Variants in PCDHGC3 observed in about 807,000 individuals in gnomAD.
PCDHGC3 encodes the protein protocadherin gamma-C3.
PCDHGC3 carries 26 observed loss-of-function variants against 59.2 expected under a neutral mutation model. The observed-to-expected ratio is 0.44, with a 90% CI of 0.32 to 0.61. PCDHGC3 has a LOEUF of 0.61. Ranked by LOEUF, PCDHGC3 falls within the 20% of genes least tolerant of loss-of-function variation. The pLI is 0.05. For missense variants in PCDHGC3, 1,080 were observed against 1,221.8 expected (o/e 0.88, Z 1.73); for synonymous variants, 487 against 519.7 (o/e 0.94, Z 0.86).
chr5:141,497,412 A>G (rs963440048), intron 2 of PCDHGC3, among the ~76,000 whole-genome samples: 13 of 151,982 alleles, frequency 8.6e-5, no homozygotes, highest in African/African-American at 3.1e-4. Flanking sequence ...CTCCCATTCC[A>G]TCAAATGAGA....
In PCDHGC3 at chr5:141,511,358, G is replaced by GT; in HGVS notation, c.*187dup. 1 of 1,355,398 alleles carries GT rather than the reference G, an allele frequency of 7.4e-7. No homozygotes were observed. Among genetic ancestry groups the GT allele is most frequent in the South Asian group, 1.5e-5 (1 of 66,198 alleles). 84.0% of individuals were successfully genotyped at this position (1,355,398 alleles called of 1,614,324 possible). On this transcript the variant is annotated 3_prime_UTR_variant, in exon 4 of 4. Transcript: ENST00000308177. ...GCACCTACCCCTTCCCCCCCAGGGG[G>GT]TTGAATATGCAAAAGCAGTTCCGCT...
At chr5:141,482,943 G>T (rs2099574928) in intron 1 of PCDHGC3, among the ~76,000 whole-genome samples, 1 of 152,086 alleles carries the variant, frequency 6.6e-6, no homozygotes, top group Non-Finnish European at 1.5e-5. Context: ...TGTGGTTGTG[G>T]GTGCCTGTAA....
At position 141,487,939 on chromosome 5, in the gene PCDHGC3, C is replaced by A; in HGVS notation, c.2431-6868C>A. ...AGGCTACAGTGCACAGGGTACAGTG[C>A]ACCAGGCAGTCACTTGGACAAAGGT... On this transcript the variant is annotated intron_variant, in intron 1 of 3. Coordinates refer to ENST00000308177, the MANE Select transcript of PCDHGC3 (RefSeq NM_002588.4). The surrounding 1 kb of genome is among the most constrained non-coding windows in gnomAD (Gnocchi z 5.0). The A allele has an allele frequency of 1.7e-6, 1 of 600,512 alleles. No individual in the cohort carries two copies. Among genetic ancestry groups the A allele is most frequent in the Non-Finnish European group, 2.9e-6 (1 of 343,042 alleles). The allele number at this position is 600,512 out of a possible 1,614,324, so 37.2% of individuals were successfully genotyped here.
intron 3 of PCDHGC3, among the ~76,000 whole-genome samples, chr5:141,507,760 T>G (rs2099863136): frequency 6.6e-6 from 1 of 152,202 alleles, no homozygotes; most frequent in Non-Finnish European, 1.5e-5. Context: ...GCCTCCCACC[T>G]TTGGCCCACA....
chr5:141,505,041 C>T (rs1028101225), intron 2 of PCDHGC3, among the ~76,000 whole-genome samples: 4 of 152,142 alleles, frequency 2.6e-5, no homozygotes, highest in African/African-American at 9.7e-5. Flanking sequence ...AGGTGCCTGT[C>T]ATCCCAGCTA....
Position 141,489,075 on chromosome 5 carries a change from C to A in PCDHGC3, c.2431-5732C>A. The A allele has an allele frequency of 3.1e-6, 1 of 324,814 alleles. No individual in the cohort carries two copies. The highest frequency in any genetic ancestry group is 5.5e-6 in the Non-Finnish European group (1 of 180,380). The allele number at this position is 324,814 out of a possible 1,614,324, so 20.1% of individuals were successfully genotyped here. A position where few individuals can be genotyped will look rare whatever the true frequency, so the allele number is the denominator to read the frequency against. ...TCAGCTCCCCTCCCCCCTGCCCACCCCCGCCACTCGGTGACTAAGAACTGC... is the reference window on the plus strand; with the variant it reads ...TCAGCTCCCCTCCCCCCTGCCCACCACCGCCACTCGGTGACTAAGAACTGC... On this transcript the variant is annotated intron_variant, in intron 1 of 3. Coordinates refer to ENST00000308177, the MANE Select transcript of PCDHGC3 (RefSeq NM_002588.4). The surrounding 1 kb of genome is among the most constrained non-coding windows in gnomAD (Gnocchi z 4.5).
chr5:141,483,756 G>C (rs11739909), intron 1 of PCDHGC3, among the ~76,000 whole-genome samples: 24,641 of 152,020 alleles, frequency 0.16, 2,128 homozygotes, highest in African/African-American at 0.22. Context: ...GAGGATCGAG[G>C]CTTGGAAAAA....
rs562192762 is a variant in PCDHGC3, at chr5:141,485,718, T to C, written c.2430+7172T>C. 1 of 1,614,058 alleles carries C rather than the reference T, an allele frequency of 6.2e-7. No homozygotes were observed. The highest frequency in any genetic ancestry group is 2.2e-5 in the East Asian group (1 of 44,866). On this transcript the variant is annotated intron_variant, in intron 1 of 3. Coordinates refer to ENST00000308177, the MANE Select transcript of PCDHGC3 (RefSeq NM_002588.4). This position sits in a 1 kb window ranked among gnomAD's most constrained non-coding sequence, Gnocchi z 5.7. ...TCCAATGAACACTTTGCACTGGATG[T>C]GAAGAAGCGCAGCGACGGCAGCCTG...
intron 2 of PCDHGC3, among the ~76,000 whole-genome samples, chr5:141,503,824 C>G (rs1216231770): frequency 1.3e-5 from 2 of 152,058 alleles, no homozygotes; most frequent in South Asian, 4.1e-4. Context: ...TTGGGCAAAA[C>G]CAAAAGCAGG....
intron 3 of PCDHGC3, among the ~76,000 whole-genome samples, chr5:141,510,194 G>T (rs920127442): frequency 6.6e-6 from 1 of 151,462 alleles, no homozygotes. Context: ...AATCACTTGA[G>T]CCCAGGAGGC....
intron 3 of PCDHGC3, among the ~76,000 whole-genome samples, chr5:141,509,776 C>T (rs898626809): frequency 7.2e-5 from 11 of 152,140 alleles, no homozygotes; most frequent in African/African-American, 9.7e-5. Context: ...GTCTAGTCCC[C>T]GAGATCATCA....
At position 141,478,312 on chromosome 5, in the gene PCDHGC3, C is replaced by T. The variant is rs768312280; in HGVS notation, c.2196C>T (p.Ser732=). 8.1e-6 allele frequency: 13 copies of T among 1,614,002 alleles called. No individual in the cohort carries two copies. Among genetic ancestry groups the T allele is most frequent in the East Asian group, 2.2e-5 (1 of 44,870 alleles). ...QSRDLYRAPV[S]SLYRTPGPSL... is the part of the protein sequence containing the mutation. Reference sequence around the variant, plus strand: ...GAGACCTATACCGAGCCCCGGTGAGCTCACTGTACCGAACACCAGGGCCCT... The same window carrying T: ...GAGACCTATACCGAGCCCCGGTGAGTTCACTGTACCGAACACCAGGGCCCT... Residue 732 remains serine (S), a synonymous_variant, in exon 1 of 4, where the codon AGC becomes AGT. Coordinates refer to ENST00000308177, the MANE Select transcript of PCDHGC3 (RefSeq NM_002588.4).
chr5:141,486,361 C>T lies in PCDHGC3; in HGVS notation c.2430+7815C>T. 1.2e-6 allele frequency: 2 copies of T among 1,614,086 alleles called. No individual in the cohort carries two copies. The highest frequency in any genetic ancestry group is 1.7e-6 in the Non-Finnish European group (2 of 1,179,994). On this transcript the variant is annotated intron_variant, in intron 1 of 3. Coordinates refer to ENST00000308177, the MANE Select transcript of PCDHGC3 (RefSeq NM_002588.4). This position sits in a 1 kb window ranked among gnomAD's most constrained non-coding sequence, Gnocchi z 5.0. ...GCATTCCTGACCACTTGCCATTTGCCCTCAAGTCTGCCTTCAGGAACCAGT... is the reference window on the plus strand; with the variant it reads ...GCATTCCTGACCACTTGCCATTTGCTCTCAAGTCTGCCTTCAGGAACCAGT...
Position 141,486,986 on chromosome 5 carries a change from T to C in PCDHGC3, c.2431-7821T>C. Reference sequence around the variant, plus strand: ...GGACTTGGATTCAGGTTACAATGCTTGGGTTTCCTATCAGCTCCTGGAGGC... The same window carrying C: ...GGACTTGGATTCAGGTTACAATGCTCGGGTTTCCTATCAGCTCCTGGAGGC... On this transcript the variant is annotated intron_variant, in intron 1 of 3. Coordinates refer to ENST00000308177, the MANE Select transcript of PCDHGC3 (RefSeq NM_002588.4). The surrounding 1 kb of genome is among the most constrained non-coding windows in gnomAD (Gnocchi z 5.0). 6.2e-7 allele frequency: 1 copy of C among 1,614,214 alleles called. No homozygotes were observed. Among genetic ancestry groups the C allele is most frequent in the South Asian group, 1.1e-5 (1 of 91,088 alleles).
rs138463062 is a variant in PCDHGC3 at position 141,485,217 on chromosome 5, C to T, written c.2430+6671C>T. 7,893 of 1,614,092 alleles carry T rather than the reference C, an allele frequency of 4.9e-3. 42 individuals carry two copies. Among genetic ancestry groups the T allele is most frequent in the Admixed American group, 8.8e-3 (531 of 60,030 alleles). On this transcript the variant is annotated intron_variant, in intron 1 of 3. Coordinates refer to ENST00000308177, the MANE Select transcript of PCDHGC3 (RefSeq NM_002588.4). This position sits in a 1 kb window ranked among gnomAD's most constrained non-coding sequence, Gnocchi z 5.7. Reference sequence around the variant, plus strand: ...AGCTGGACAGAAATCTGGCGGTGGGCTACCCTTTTGTTCCTCTTTTACCAC... The same window carrying T: ...AGCTGGACAGAAATCTGGCGGTGGGTTACCCTTTTGTTCCTCTTTTACCAC...
Position 141,502,866 on chromosome 5 carries a change from C to CTTTTTTTTTTTTTT in PCDHGC3, c.2490-2526_2490-2513dup, listed in dbSNP as rs549047197. Among the ~76,000 whole-genome samples the CTTTTTTTTTTTTTT allele has an allele frequency of 1.6e-4, 20 of 128,024 alleles. 4 individuals are homozygous for CTTTTTTTTTTTTTT. The highest frequency in any genetic ancestry group is 2.6e-4 in the Admixed American group (3 of 11,660). 84.0% of individuals were successfully genotyped at this position (128,024 alleles called of 152,430 possible). A position where few individuals can be genotyped will look rare whatever the true frequency, so the allele number is the denominator to read the frequency against. The stretch of plus-strand genomic sequence containing the variant: ...GAGCTGCCTAACCCTGACTCTCTGT[C>CTTTTTTTTTTTTTT]TTTTTTTTTTTTTTGACAGGGAGTC... On this transcript the variant is annotated intron_variant, in intron 2 of 3. Transcript: ENST00000308177.
chr5:141,489,089 A>C lies in PCDHGC3; in HGVS notation c.2431-5718A>C. 6 of 284,452 alleles carry C rather than the reference A, an allele frequency of 2.1e-5. No individual in the cohort carries two copies. The highest frequency in any genetic ancestry group is 5.7e-5 in the East Asian group (1 of 17,568). The allele number at this position is 284,452 out of a possible 1,614,324, so 17.6% of individuals were successfully genotyped here. A position where few individuals can be genotyped will look rare whatever the true frequency, so the allele number is the denominator to read the frequency against. Reference sequence around the variant, plus strand: ...CCCTGCCCACCCCCGCCACTCGGTGACTAAGAACTGCTGCAAGCAGGCAAA... The same window carrying C: ...CCCTGCCCACCCCCGCCACTCGGTGCCTAAGAACTGCTGCAAGCAGGCAAA... On this transcript the variant is annotated intron_variant, in intron 1 of 3. Transcript: ENST00000308177. This position sits in a 1 kb window ranked among gnomAD's most constrained non-coding sequence, Gnocchi z 4.5.
chr5:141,490,584 T>G lies in PCDHGC3; in HGVS notation c.2431-4223T>G, dbSNP rs751060540. 1 of 1,614,170 alleles carries G rather than the reference T, an allele frequency of 6.2e-7. No individual in the cohort carries two copies. Among genetic ancestry groups the G allele is most frequent in the South Asian group, 1.1e-5 (1 of 91,080 alleles). ...TCAGGCTCAACATTTCAGATGTCAA[T>G]GACAATGCACCCCGCTTCAACCAGC... On this transcript the variant is annotated intron_variant, in intron 1 of 3. Transcript: ENST00000308177. This position sits in a 1 kb window ranked among gnomAD's most constrained non-coding sequence, Gnocchi z 5.4.
chr5:141,491,702 T>A lies in PCDHGC3; in HGVS notation c.2431-3105T>A. The A allele has an allele frequency of 6.2e-7, 1 of 1,611,514 alleles. No homozygotes were observed. Among genetic ancestry groups the A allele is most frequent in the Non-Finnish European group, 8.5e-7 (1 of 1,178,984 alleles). ...AATACGCTGCGGGAGCGGAGCCAGG[T>A]GAGGGGCTCGGCGCCGCCCCGGGCG... On this transcript the variant is annotated intron_variant, in intron 1 of 3. Coordinates refer to ENST00000308177, the MANE Select transcript of PCDHGC3 (RefSeq NM_002588.4). The surrounding 1 kb of genome is among the most constrained non-coding windows in gnomAD (Gnocchi z 6.9).
Sources: gnomAD v4.1 joint callset for allele counts (sites outside exome capture counted in the v4.1 genomes callset) on GRCh38, gnomAD v4.1.1 for gene constraint, Gnocchi (gnomAD v3.1) non-coding constraint, MANE v1.5 for transcripts, NCBI Gene and HGNC (gene_info 2026-07-23, HGNC 2026-07-21) for gene names.